MAPK10: variants seen among roughly 807,000 people sequenced by gnomAD.
MAPK10 encodes the protein mitogen-activated protein kinase 10.
MAPK10 carries 25 observed loss-of-function variants against 59.3 expected under a neutral mutation model. That is an observed-to-expected ratio of 0.42 (90% CI 0.31 to 0.59). The LOEUF is 0.59. Ranked by LOEUF, MAPK10 falls within the 20% of genes least tolerant of loss-of-function variation. MAPK10 has a pLI of 0.15. For missense variants in MAPK10, 351 were observed against 568.9 expected (o/e 0.62, Z 3.90); for synonymous variants, 190 against 200.5 (o/e 0.95, Z 0.44).
At chr4:86,451,500 T>A (rs1256278712) in intron 1 of MAPK10, among the ~76,000 whole-genome samples, 1 of 152,132 alleles carries the variant, frequency 6.6e-6, no homozygotes, top group Non-Finnish European at 1.5e-5. Flanking sequence ...ACAAACTACT[T>A]TAAGTTGACT....
At chr4:86,477,146 C>G (rs929238686) in intron 1 of MAPK10, among the ~76,000 whole-genome samples, 1 of 152,102 alleles carries the variant, frequency 6.6e-6, no homozygotes, top group Non-Finnish European at 1.5e-5. Flanking sequence ...TAAGTCCATC[C>G]CCTTCTTAAT....
At chr4:86,299,449 C>G (rs961495325) in intron 2 of MAPK10, among the ~76,000 whole-genome samples, 2 of 152,054 alleles carry the variant, frequency 1.3e-5, no homozygotes, top group African/African-American at 4.8e-5. Context: ...GGAGAGAGAT[C>G]CCTTGTTCCT....
intron 1 of MAPK10, among the ~76,000 whole-genome samples, chr4:86,446,854 G>A (rs1750110785): frequency 6.6e-6 from 1 of 151,896 alleles, no homozygotes; most frequent in African/African-American, 2.4e-5. Context: ...CTTCTTCTTT[G>A]AATTACCTGT....
At chr4:86,040,595 G>T (rs955582928) in intron 11 of MAPK10, among the ~76,000 whole-genome samples, 1 of 152,006 alleles carries the variant, frequency 6.6e-6, no homozygotes, top group African/African-American at 2.4e-5. Flanking sequence ...TCATATCTTG[G>T]GAAAGACATA....
At chr4:86,356,427 C>T (rs1015684551) in intron 1 of MAPK10, 3 of 590,674 alleles carry the variant, frequency 5.1e-6, no homozygotes, top group East Asian at 2.9e-4. Flanking sequence ...CTTTTTAAAC[C>T]TAAAATGTTT....
chr4:86,436,204 T>G (rs552753973), intron 1 of MAPK10, among the ~76,000 whole-genome samples: 1 of 152,270 alleles, frequency 6.6e-6, no homozygotes, highest in South Asian at 2.1e-4. Context: ...TGAATATAAG[T>G]GTAAAGGGCT....
intron 3 of MAPK10, among the ~76,000 whole-genome samples, chr4:86,191,307 T>C (rs191961576): frequency 3.9e-5 from 6 of 152,118 alleles, no homozygotes; most frequent in African/African-American, 1.4e-4. Flanking sequence ...CCTTGTTAAT[T>C]TTCTGCCTCG....
intron 1 of MAPK10, among the ~76,000 whole-genome samples, chr4:86,583,808 C>T (rs947178852): frequency 1.3e-5 from 2 of 152,160 alleles, no homozygotes; most frequent in East Asian, 1.9e-4. Context: ...GATCACATGC[C>T]CAAAGTAGGT....
chr4:86,224,961 G>A (rs1030434867), intron 2 of MAPK10, among the ~76,000 whole-genome samples: 4 of 152,220 alleles, frequency 2.6e-5, no homozygotes, highest in Admixed American at 2.0e-4. Flanking sequence ...GACAGCAGAT[G>A]TTTAGTTGGC....
chr4:86,302,550 C>A (rs2095490645), intron 2 of MAPK10, among the ~76,000 whole-genome samples: 2 of 152,184 alleles, frequency 1.3e-5, no homozygotes, highest in Admixed American at 1.3e-4. Flanking sequence ...AGTTTGAGTT[C>A]TCTCACCTGC....
At chr4:86,386,293 A>G (rs1376731163) in intron 1 of MAPK10, among the ~76,000 whole-genome samples, 1 of 152,228 alleles carries the variant, frequency 6.6e-6, no homozygotes, top group Non-Finnish European at 1.5e-5. Context: ...TCCCTGGGGA[A>G]GAGAAGTGGA....
At chr4:86,167,189 G>A (rs537827288) in intron 3 of MAPK10, among the ~76,000 whole-genome samples, 9 of 152,078 alleles carry the variant, frequency 5.9e-5, no homozygotes, top group Non-Finnish European at 1.2e-4. Flanking sequence ...TCCTTGAATA[G>A]ACCAATACCA....
intron 2 of MAPK10, among the ~76,000 whole-genome samples, chr4:86,301,036 T>A (rs2095463202): frequency 6.6e-6 from 1 of 152,084 alleles, no homozygotes; most frequent in Non-Finnish European, 1.5e-5. Flanking sequence ...CCATGGATAT[T>A]TTGTGCTGAA....
chr4:86,064,693 G>A, intron 10 of MAPK10: 1 of 314,662 alleles, frequency 3.2e-6, no homozygotes. Context: ...ATCTTCTTTG[G>A]TAACCTGCAT....
intron 1 of MAPK10, among the ~76,000 whole-genome samples, chr4:86,396,660 G>A (rs756345378): frequency 1.3e-5 from 2 of 152,194 alleles, no homozygotes; most frequent in Non-Finnish European, 2.9e-5. Context: ...CATCTGCTCC[G>A]CTTCTGGGAA....
At chr4:86,410,022 G>T (rs572663128) in intron 1 of MAPK10, among the ~76,000 whole-genome samples, 3 of 152,246 alleles carry the variant, frequency 2.0e-5, no homozygotes, top group African/African-American at 7.2e-5. Flanking sequence ...GATTCAGTAT[G>T]GTATTGGCTG....
intron 1 of MAPK10, among the ~76,000 whole-genome samples, chr4:86,568,653 C>G (rs911291941): frequency 5.3e-4 from 81 of 152,178 alleles, no homozygotes; most frequent in African/African-American, 1.9e-3. Flanking sequence ...CACCTACAAC[C>G]AACAGGTCTT....
At chr4:86,255,237 G>A (rs115931739) in intron 2 of MAPK10, among the ~76,000 whole-genome samples, 7,886 of 152,130 alleles carry the variant, frequency 0.052, 281 homozygotes, top group African/African-American at 0.091. Context: ...AGCAGTTCAC[G>A]GTGGGTTCTA....
chr4:86,073,644 G>A (rs1466791688), intron 9 of MAPK10, among the ~76,000 whole-genome samples: 4 of 110,942 alleles, frequency 3.6e-5, no homozygotes, highest in East Asian at 2.4e-4. Context: ...CCTTCATTTC[G>A]TTATGTACCC....
Sources: allele counts gnomAD v4.1 joint callset (sites outside exome capture counted in the v4.1 genomes callset), GRCh38; gene constraint gnomAD v4.1.1; transcripts MANE v1.5; gene names NCBI Gene and HGNC (gene_info 2026-07-23, HGNC 2026-07-21).